CCDC150: variants seen among roughly 807,000 people sequenced by gnomAD.
CCDC150 encodes the protein coiled-coil domain-containing protein 150.
A neutral mutation model predicts 156.5 loss-of-function variants in CCDC150; 151 were observed. That is an observed-to-expected ratio of 0.97 (90% CI 0.85 to 1.10). The LOEUF is 1.10. CCDC150 is among the 50% of genes least tolerant of loss of function. CCDC150 has a pLI of 0.00. For missense variants in CCDC150, 1,312 were observed against 1,268.1 expected, an observed-to-expected ratio of 1.03 and a Z score of -0.53; for synonymous variants, 452 against 429.4, an observed-to-expected ratio of 1.05 and a Z score of -0.65.
chr2:196,695,230 T>G, intron 14 of CCDC150, 71 bp downstream of exon 14: 1 of 745,816 alleles, frequency 1.3e-6, no homozygotes, highest in Middle Eastern at 2.4e-4. Context: ...CAACCAGAGG[T>G]CAGGAGATGG....
Position 196,646,498 on chromosome 2 carries a change from A to T in CCDC150, c.170A>T (p.Glu57Val). The T allele has an allele frequency of 1.2e-6, 2 of 1,611,652 alleles. No homozygotes were observed. Among genetic ancestry groups the T allele is most frequent in the Non-Finnish European group, 1.7e-6 (2 of 1,178,136 alleles). ...GACCTAATAATGTTGGATTTTGGTG[A>T]AAAAAGGTAACAAAAATGAACTACA... The part of the protein sequence containing the change: ...RDDLIMLDFG[E>V]KRGYLEAPDC... The change falls in exon 2 of 28, where the codon GAA becomes GTA. Residue 57 changes from glutamate (E) to valine (V), a missense_variant. Physicochemically the swap from Glu to Val is moderately radical, Grantham distance 121. Coordinates refer to ENST00000389175, the MANE Select transcript of CCDC150 (RefSeq NM_001080539.2).
rs376802367 is a variant in CCDC150, at chr2:196,650,534, C to T, written c.176+4030C>T. ...GCAGCCTCCTGAGGATCTGGGATTA[C>T]AGGCAAGTGCCACCACGCCTGGCTA... On this transcript the variant is annotated intron_variant, in intron 2 of 27. Transcript: ENST00000389175. Among the ~76,000 whole-genome samples the T allele has an allele frequency of 6.8e-4, 103 of 152,308 alleles. No individual in the cohort carries two copies. In the South Asian group the frequency reaches 0.02, roughly 30 times the overall value.
chr2:196,667,875 G>A (rs1056711876), intron 7 of CCDC150: 1 of 152,140 alleles, frequency 6.6e-6, no homozygotes, highest in African/African-American at 2.4e-5. Context: ...AATGCCCCTG[G>A]ATAATTTTCT....
In CCDC150 at chr2:196,723,097, G is replaced by A. The variant is rs1248715956; in HGVS notation, c.2429+1406G>A. Among the ~76,000 whole-genome samples the A allele has an allele frequency of 3.3e-5, 5 of 152,250 alleles. No individual in the cohort carries two copies. In the East Asian group the frequency reaches 9.6e-4, roughly 29 times the overall value. On this transcript the variant is annotated intron_variant, in intron 21 of 27. Coordinates refer to ENST00000389175, the MANE Select transcript of CCDC150 (RefSeq NM_001080539.2). ...ATCAGTGCACATGGTTAGGAAGACA[G>A]AGCAGGTTTTGGAGAACTTGCTGGG...
intron 15 of CCDC150, among the ~76,000 whole-genome samples, chr2:196,711,110 GT>G (rs1241966033): frequency 6.6e-6 from 1 of 152,112 alleles, no homozygotes; most frequent in Non-Finnish European, 1.5e-5. Flanking sequence ...GGTTTACCTT[GT>G]TTTTTACAGT....
At chr2:196,677,919 G>C (rs1694608825) in intron 13 of CCDC150, among the ~76,000 whole-genome samples, 1 of 152,126 alleles carries the variant, frequency 6.6e-6, no homozygotes, top group African/African-American at 2.4e-5. Flanking sequence ...GAACCCAGGA[G>C]GCAGAGGTTG....
chr2:196,641,977 C>T (rs1047576846), intron 1 of CCDC150, among the ~76,000 whole-genome samples: 1 of 152,160 alleles, frequency 6.6e-6, no homozygotes, highest in Admixed American at 6.5e-5. Flanking sequence ...TGGTCTTTTT[C>T]TTGCCATGCT....
At chr2:196,722,678 A>G (rs192605736) in intron 21 of CCDC150, among the ~76,000 whole-genome samples, 3 of 152,298 alleles carry the variant, frequency 2.0e-5, no homozygotes, top group East Asian at 3.9e-4. Flanking sequence ...TGCAAATTTT[A>G]TATTCAGCTG....
intron 2 of CCDC150, among the ~76,000 whole-genome samples, chr2:196,648,208 C>A (rs1692654902): frequency 6.6e-6 from 1 of 152,094 alleles, no homozygotes; most frequent in African/African-American, 2.4e-5. Context: ...TTTTGCAGAA[C>A]CTCCATGCTG....
intron 17 of CCDC150, among the ~76,000 whole-genome samples, chr2:196,714,928 T>C (rs1308819214): frequency 1.3e-5 from 2 of 152,312 alleles, no homozygotes; most frequent in African/African-American, 4.8e-5. Flanking sequence ...TTTGCACTTT[T>C]CTGGGATCCT....
intron 13 of CCDC150, among the ~76,000 whole-genome samples, chr2:196,694,827 A>G (rs1055543519): frequency 1.3e-5 from 2 of 152,196 alleles, no homozygotes; most frequent in Admixed American, 6.5e-5. Context: ...ACACAACTGC[A>G]CTCCAGCCTG....
intron 8 of CCDC150, among the ~76,000 whole-genome samples, chr2:196,671,073 A>G (rs74469913): frequency 2.1e-3 from 315 of 152,280 alleles, no homozygotes; most frequent in Non-Finnish European, 3.6e-3. Flanking sequence ...CCCAGAGTCC[A>G]TAGTTTACAT....
chr2:196,679,954 T>C (rs1279440974), intron 13 of CCDC150, among the ~76,000 whole-genome samples: 1 of 152,214 alleles, frequency 6.6e-6, no homozygotes, highest in Non-Finnish European at 1.5e-5. Flanking sequence ...CAGTTGTTTT[T>C]CTGGAGTTTT....
At position 196,729,312 on chromosome 2, in the gene CCDC150, A is replaced by C. The variant is rs369994835; in HGVS notation, c.2676A>C (p.Ile892=). ...TACTAGAAAGTAACAAGGAGAAAAT[A>C]AAGAATCAAAAGACCCAAATTAAGC... ...EKILESNKEK[I]KNQKTQIKLH... is the part of the protein sequence containing the mutation. Residue 892 remains isoleucine, a synonymous_variant, in exon 23 of 28, where the codon ATA becomes ATC. Transcript: ENST00000389175. 2.5e-6 allele frequency: 4 copies of C among 1,613,918 alleles called. No homozygotes were observed. The highest frequency in any genetic ancestry group is 3.4e-6 in the Non-Finnish European group (4 of 1,179,842).
Position 196,639,753 on chromosome 2 carries a change from C to T in CCDC150, c.-14C>T. The stretch of plus-strand genomic sequence containing the variant: ...CCCGCTCGCCTGCTGCAGTACGGAG[C>T]CTCAGGCGGACAGATGGACTGTAAG... On this transcript the variant is annotated 5_prime_UTR_variant, in exon 1 of 28. Coordinates refer to ENST00000389175, the MANE Select transcript of CCDC150 (RefSeq NM_001080539.2). The T allele has an allele frequency of 6.4e-7, 1 of 1,569,554 alleles. No individual in the cohort carries two copies. The highest frequency in any genetic ancestry group is 1.2e-5 in the South Asian group (1 of 84,766).
intron 13 of CCDC150, 103 bp downstream of exon 13, chr2:196,677,464 C>A: frequency 1.3e-6 from 1 of 762,852 alleles, no homozygotes; most frequent in South Asian, 1.7e-5. Flanking sequence ...GAATACCAAG[C>A]TGCAGGGAAA....
intron 2 of CCDC150, among the ~76,000 whole-genome samples, chr2:196,647,878 A>G (rs1692638614): frequency 6.6e-6 from 1 of 152,066 alleles, no homozygotes; most frequent in African/African-American, 2.4e-5. Context: ...GGAGCTTTGT[A>G]CTCTGACGAA....
At chr2:196,656,033 C>T (rs1693167174) in intron 2 of CCDC150, among the ~76,000 whole-genome samples, 1 of 152,112 alleles carries the variant, frequency 6.6e-6, no homozygotes, top group Admixed American at 6.5e-5. Flanking sequence ...CAGGCAGAAA[C>T]TGGGAGCTTT....
At chr2:196,719,805 T>C in intron 19 of CCDC150, 139 bp downstream of exon 19, 1 of 536,754 alleles carries the variant, frequency 1.9e-6, no homozygotes, top group Non-Finnish European at 3.1e-6. Flanking sequence ...AAAGAATTCC[T>C]AAGTTAGAGA....
Sources: gnomAD v4.1 joint callset for allele counts (sites outside exome capture counted in the v4.1 genomes callset) on GRCh38, gnomAD v4.1.1 for gene constraint, MANE v1.5 for transcripts, NCBI Gene and HGNC (gene_info 2026-07-23, HGNC 2026-07-21) for gene names.